Variants in SEMA3E observed in about 807,000 individuals in gnomAD.
The protein encoded by SEMA3E is semaphorin 3E.
A neutral mutation model predicts 93.6 loss-of-function variants in SEMA3E; 49 were observed. The ratio of observed to expected loss-of-function variants is 0.52; its 90% CI spans 0.42 to 0.66. SEMA3E has a LOEUF of 0.66. SEMA3E is among the 30% of genes least tolerant of loss of function. The pLI is 0.00. For missense variants in SEMA3E, 906 were observed against 964.8 expected, an observed-to-expected ratio of 0.94 and a Z score of 0.81; for synonymous variants, 363 against 330.7, an observed-to-expected ratio of 1.10 and a Z score of -1.06.
chr7:83,606,074 G>T (rs528761788), intron 1 of SEMA3E, among the ~76,000 whole-genome samples: 1 of 152,056 alleles, frequency 6.6e-6, no homozygotes, highest in South Asian at 2.1e-4. Context: ...TTACCCTTCC[G>T]TAAGCAGCAA....
chr7:83,445,365 T>C (rs1789204174), intron 4 of SEMA3E, among the ~76,000 whole-genome samples: 1 of 146,128 alleles, frequency 6.8e-6, no homozygotes, highest in East Asian at 1.9e-4. Context: ...TAGAGGTGGA[T>C]AGAAAAAAAA....
chr7:83,462,673 A>G (rs1275182848), intron 4 of SEMA3E, among the ~76,000 whole-genome samples: 1 of 151,512 alleles, frequency 6.6e-6, no homozygotes, highest in Admixed American at 6.6e-5. Context: ...AGCACGCTTT[A>G]AAAAGATTAA....
At chr7:83,433,246 A>G (rs1360308263) in intron 4 of SEMA3E, among the ~76,000 whole-genome samples, 1 of 152,128 alleles carries the variant, frequency 6.6e-6, no homozygotes, top group East Asian at 1.9e-4. Context: ...TTTGGAAAAG[A>G]AAGAACGTTA....
intron 4 of SEMA3E, among the ~76,000 whole-genome samples, chr7:83,427,572 T>G (rs1300068054): frequency 2.0e-5 from 3 of 152,218 alleles, no homozygotes; most frequent in Non-Finnish European, 4.4e-5. Context: ...TTTATTTATT[T>G]GCTTTGCATA....
chr7:83,407,059 T>C, intron 7 of SEMA3E, 38 bp downstream of exon 7: 1 of 1,611,750 alleles, frequency 6.2e-7, no homozygotes, highest in Non-Finnish European at 8.5e-7. Context: ...GACCATAAAT[T>C]GTGAGATAAG....
At chr7:83,442,740 T>C (rs1362322965) in intron 4 of SEMA3E, among the ~76,000 whole-genome samples, 1 of 152,108 alleles carries the variant, frequency 6.6e-6, no homozygotes, top group East Asian at 1.9e-4. Flanking sequence ...GAGTTACGTG[T>C]TTTCACTCAG....
At chr7:83,387,940 C>T (rs769232525) in intron 14 of SEMA3E, among the ~76,000 whole-genome samples, 8 of 139,392 alleles carry the variant, frequency 5.7e-5, no homozygotes, top group South Asian at 2.2e-4. Context: ...ACATATGTTT[C>T]GAATATATAA....
At chr7:83,591,453 A>G (rs940275422) in intron 1 of SEMA3E, among the ~76,000 whole-genome samples, 3 of 151,860 alleles carry the variant, frequency 2.0e-5, no homozygotes, top group Non-Finnish European at 4.4e-5. Context: ...GAATAAATAA[A>G]TATATTTACC....
At chr7:83,375,402 T>C (rs1264200757) in intron 16 of SEMA3E, among the ~76,000 whole-genome samples, 1 of 152,062 alleles carries the variant, frequency 6.6e-6, no homozygotes, top group Non-Finnish European at 1.5e-5. Context: ...ATAAATACAT[T>C]TCCTTTAGGC....
chr7:83,583,017 T>C (rs1201027388), intron 1 of SEMA3E, among the ~76,000 whole-genome samples: 4 of 152,132 alleles, frequency 2.6e-5, no homozygotes, highest in Non-Finnish European at 5.9e-5. Flanking sequence ...TATAGTAACA[T>C]TACTTTTCTG....
chr7:83,616,394 A>C (rs1793367752), intron 1 of SEMA3E, among the ~76,000 whole-genome samples: 2 of 152,308 alleles, frequency 1.3e-5, no homozygotes, highest in South Asian at 2.1e-4. Context: ...AACATCTTAG[A>C]GATAACTAGC....
At chr7:83,461,866 A>C (rs1338875806) in intron 4 of SEMA3E, among the ~76,000 whole-genome samples, 1 of 152,296 alleles carries the variant, frequency 6.6e-6, no homozygotes, top group Non-Finnish European at 1.5e-5. Flanking sequence ...CCAACACACA[A>C]GAACTTCCAA....
intron 1 of SEMA3E, among the ~76,000 whole-genome samples, chr7:83,647,033 T>G (rs1424160047): frequency 6.6e-6 from 1 of 152,078 alleles, no homozygotes; most frequent in Non-Finnish European, 1.5e-5. Flanking sequence ...GATGATAAAC[T>G]TCTTAGAAAT....
chr7:83,535,823 TG>T (rs1791402302), intron 1 of SEMA3E, among the ~76,000 whole-genome samples: 1 of 152,120 alleles, frequency 6.6e-6, no homozygotes, highest in Non-Finnish European at 1.5e-5. Context: ...AAAAATGCAG[TG>T]GGAAAAATTT....
intron 1 of SEMA3E, among the ~76,000 whole-genome samples, chr7:83,647,476 G>C (rs1385053543): frequency 6.6e-6 from 1 of 152,136 alleles, no homozygotes; most frequent in Non-Finnish European, 1.5e-5. Context: ...AATGGCTAGT[G>C]ATAATAAATA....
chr7:83,495,671 T>C (rs1423128515), intron 1 of SEMA3E, among the ~76,000 whole-genome samples: 1 of 151,916 alleles, frequency 6.6e-6, no homozygotes, highest in Non-Finnish European at 1.5e-5. Context: ...ATCAACACTG[T>C]TCTGTGAATA....
chr7:83,646,295 A>G (rs1404264501), intron 1 of SEMA3E, among the ~76,000 whole-genome samples: 1 of 152,092 alleles, frequency 6.6e-6, no homozygotes, highest in Non-Finnish European at 1.5e-5. Flanking sequence ...TAAAATATTC[A>G]CTGAATTCCA....
intron 5 of SEMA3E, among the ~76,000 whole-genome samples, chr7:83,414,810 T>C (rs1007850743): frequency 6.6e-6 from 1 of 152,052 alleles, no homozygotes; most frequent in Admixed American, 6.6e-5. Context: ...TCTAGCTACA[T>C]GTGTCTTATC....
At chr7:83,464,810 C>T (rs1248873900) in intron 4 of SEMA3E, among the ~76,000 whole-genome samples, 1 of 146,204 alleles carries the variant, frequency 6.8e-6, no homozygotes, top group Non-Finnish European at 1.5e-5. Flanking sequence ...CACGCCGCCC[C>T]TAATCCTGCT....
Sources: gnomAD v4.1 joint callset for allele counts (sites outside exome capture counted in the v4.1 genomes callset) on GRCh38, gnomAD v4.1.1 for gene constraint, MANE v1.5 for transcripts, NCBI Gene and HGNC (gene_info 2026-07-23, HGNC 2026-07-21) for gene names.